CDKL2: variants seen among roughly 807,000 people sequenced by gnomAD.
CDKL2 encodes cyclin dependent kinase like 2.
CDKL2 carries 64 observed loss-of-function variants against 63.9 expected under a neutral mutation model. The observed-to-expected ratio is 1.00, with a 90% CI of 0.82 to 1.23. The LOEUF is 1.23. Ranked by LOEUF, CDKL2 falls within the 50% of genes most tolerant of loss-of-function variation. The pLI is 0.00. For synonymous variants in CDKL2, 211 were observed against 229.2 expected (o/e 0.92, Z 0.72); for missense variants, 656 against 668.0 (o/e 0.98, Z 0.20).
At chr4:75,585,345 G>A (rs535208408) in intron 12 of CDKL2, among the ~76,000 whole-genome samples, 1 of 152,228 alleles carries the variant, frequency 6.6e-6, no homozygotes, top group Admixed American at 6.5e-5. Flanking sequence ...AAGAGGCTCA[G>A]GAGGAGGTCA....
chr4:75,599,124 A>G (rs1729064559), intron 7 of CDKL2, among the ~76,000 whole-genome samples: 2 of 152,224 alleles, frequency 1.3e-5, no homozygotes, highest in South Asian at 2.1e-4. Context: ...ATATTTTCCA[A>G]ATGACTAAAG....
At chr4:75,595,389 A>T (rs964010388) in intron 10 of CDKL2, among the ~76,000 whole-genome samples, 8 of 151,820 alleles carry the variant, frequency 5.3e-5, no homozygotes, top group East Asian at 1.9e-4. Flanking sequence ...TTTTTAAAAA[A>T]TTTTTTGTAG....
At chr4:75,600,188 G>A in intron 7 of CDKL2, 93 bp downstream of exon 7, 3 of 778,470 alleles carry the variant, frequency 3.9e-6, no homozygotes, top group Non-Finnish European at 6.5e-6. Context: ...AAAGTAGGTG[G>A]GAACAGAAAT....
intron 13 of CDKL2, among the ~76,000 whole-genome samples, chr4:75,581,460 T>C (rs1728257724): frequency 6.6e-6 from 1 of 152,178 alleles, no homozygotes; most frequent in Non-Finnish European, 1.5e-5. Context: ...AACCGAGGCA[T>C]CATTATAATC....
chr4:75,608,037 C>T (rs1420660948), intron 3 of CDKL2, among the ~76,000 whole-genome samples: 2 of 151,312 alleles, frequency 1.3e-5, no homozygotes, highest in African/African-American at 4.9e-5. Context: ...TGGTCTCGAT[C>T]TCCTGACCTC....
intron 2 of CDKL2, among the ~76,000 whole-genome samples, chr4:75,619,333 A>G (rs768164993): frequency 5.9e-5 from 9 of 152,168 alleles, no homozygotes; most frequent in Non-Finnish European, 1.2e-4. Flanking sequence ...CTAAAAATGT[A>G]GAAGAGCCCC....
At chr4:75,620,913 T>G (rs1730123116) in intron 2 of CDKL2, among the ~76,000 whole-genome samples, 1 of 150,088 alleles carries the variant, frequency 6.7e-6, no homozygotes, top group Non-Finnish European at 1.5e-5. Flanking sequence ...AGTAGCAGTA[T>G]GTGAAGCAAC....
chr4:75,580,804 C>T (rs1456953043), intron 13 of CDKL2, among the ~76,000 whole-genome samples: 1 of 149,530 alleles, frequency 6.7e-6, no homozygotes, highest in African/African-American at 2.4e-5. Flanking sequence ...GGGTTCACGC[C>T]ATTCTCCTGC....
At chr4:75,614,494 A>C in intron 2 of CDKL2, 45 bp from the exon 3 acceptor site, 1 of 1,205,370 alleles carries the variant, frequency 8.3e-7, no homozygotes, top group East Asian at 2.4e-5. Context: ...AAAATGCAAA[A>C]TAGTTTATAT....
At chr4:75,619,944 G>T (rs1025290240) in intron 2 of CDKL2, among the ~76,000 whole-genome samples, 1 of 152,116 alleles carries the variant, frequency 6.6e-6, no homozygotes, top group Non-Finnish European at 1.5e-5. Flanking sequence ...TAGCATTTGG[G>T]TAGGTTGAGG....
chr4:75,605,568 A>G lies in CDKL2; in HGVS notation c.609T>C (p.Pro203=). The part of the protein sequence containing the change: ...TEMFMGEPLF[P]GDSDIDQLYH... Reference sequence around the variant, plus strand: ...ATAGCTGATCAATATCAGAATCTCCAGGAAATAGGGGTTCCCCCATGAACA... The same window carrying G: ...ATAGCTGATCAATATCAGAATCTCCGGGAAATAGGGGTTCCCCCATGAACA... Residue 203 remains proline, a synonymous_variant, in exon 5 of 14, where the codon CCT becomes CCC. Transcript: ENST00000307465. 1.2e-6 allele frequency: 2 copies of G among 1,613,306 alleles called. No individual in the cohort carries two copies. Among genetic ancestry groups the G allele is most frequent in the Non-Finnish European group, 1.7e-6 (2 of 1,179,236 alleles).
At chr4:75,623,205 G>A (rs1052486279) in intron 2 of CDKL2, among the ~76,000 whole-genome samples, 1 of 152,112 alleles carries the variant, frequency 6.6e-6, no homozygotes, top group Non-Finnish European at 1.5e-5. Flanking sequence ...CTTGAGCCTG[G>A]GAGGCAGAGA....
chr4:75,580,694 CT>C (rs368796538), intron 13 of CDKL2, among the ~76,000 whole-genome samples: 35,869 of 129,502 alleles, frequency 0.28, 4,678 homozygotes, highest in Middle Eastern at 0.4. Context: ...TTTGTTTTGG[CT>C]TTTTTTTTTT....
chr4:75,590,324 C>A (rs1335055899), intron 12 of CDKL2, among the ~76,000 whole-genome samples: 1 of 152,172 alleles, frequency 6.6e-6, no homozygotes, highest in African/African-American at 2.4e-5. Context: ...TAAGGCAAAG[C>A]AATCACGGCA....
chr4:75,586,765 T>G (rs1728498661), intron 12 of CDKL2, among the ~76,000 whole-genome samples: 2 of 152,176 alleles, frequency 1.3e-5, no homozygotes. Context: ...TAGATTTCAG[T>G]AAGCATAGAA....
rs1355490030 is a variant in CDKL2, at chr4:75,607,232, G to A, written c.493C>T (p.Arg165Ter). The part of the protein sequence containing the change: ...GEVYTDYVAT[R>*]WYRAPELLVG... ...AATAGTTCTGGAGCTCTGTACCATC[G>A]GGTTGCCACATAATCAGTATAAACC... The change falls in exon 4 of 14, where the codon CGA becomes TGA. Residue 165 changes from arginine to a stop codon, truncating the protein, a stop_gained. Transcript: ENST00000307465. LOFTEE classifies it high-confidence loss of function. 2 of 1,613,836 alleles carry A rather than the reference G, an allele frequency of 1.2e-6. No individual in the cohort carries two copies. The highest frequency in any genetic ancestry group is 2.2e-5 in the East Asian group (1 of 44,878).
chr4:75,597,160 G>C lies in CDKL2; in HGVS notation c.1097C>G (p.Ala366Gly). The stretch of plus-strand genomic sequence containing the variant: ...ATTTGAAGCTCTATTGCCTTTTTCA[G>C]CTTTTTCTCCATCAATTTTTGAGCC... ...IKGSKIDGEK[A>G]EKGNRASNAS... The change falls in exon 9 of 14, where the codon GCT (alanine) becomes GGT (glycine). Residue 366 changes from alanine (A) to glycine (G), a missense_variant. Physicochemically the swap from Ala to Gly is moderately conservative, Grantham distance 60. Coordinates refer to ENST00000307465, the MANE Select transcript of CDKL2 (RefSeq NM_001330724.2). 1.2e-6 allele frequency: 2 copies of C among 1,613,486 alleles called. No homozygotes were observed. Among genetic ancestry groups the C allele is most frequent in the Non-Finnish European group, 1.7e-6 (2 of 1,179,570 alleles).
intron 12 of CDKL2, among the ~76,000 whole-genome samples, chr4:75,588,323 T>C (rs1728565935): frequency 6.6e-6 from 1 of 152,056 alleles, no homozygotes. Context: ...TAACACCAAC[T>C]TATTAAACTT....
chr4:75,581,129 C>A (rs368972584), intron 13 of CDKL2, among the ~76,000 whole-genome samples: 8 of 152,174 alleles, frequency 5.3e-5, no homozygotes, highest in African/African-American at 1.9e-4. Context: ...TTTAGGTCAA[C>A]AATGAGCTGC....
Sources: gnomAD v4.1 joint callset for allele counts (sites outside exome capture counted in the v4.1 genomes callset) on GRCh38, gnomAD v4.1.1 for gene constraint, MANE v1.5 for transcripts, NCBI Gene and HGNC (gene_info 2026-07-23, HGNC 2026-07-21) for gene names.